CLEC16A: variants seen among roughly 807,000 people sequenced by gnomAD.
The protein encoded by CLEC16A is C-type lectin domain containing 16A.
Under a neutral mutation model 109.5 loss-of-function variants are expected in CLEC16A, and 51 were observed. The observed-to-expected ratio is 0.47, with a 90% confidence interval of 0.37 to 0.59. The LOEUF is 0.59. Among genes scored for constraint, CLEC16A ranks in the 20% least tolerant of loss-of-function variants. The pLI, the probability that CLEC16A is intolerant of heterozygous loss-of-function variation, is 0.00. For synonymous variants in CLEC16A, 673 were observed against 564.2 expected, an observed-to-expected ratio of 1.19 and a Z score of -2.73; for missense variants, 1,339 against 1,394.0, an observed-to-expected ratio of 0.96 and a Z score of 0.63.
chr16:11,167,201 G>C (rs1367722021), intron 23 of CLEC16A, among the ~76,000 whole-genome samples: 2 of 152,186 alleles, frequency 1.3e-5, no homozygotes, highest in African/African-American at 4.8e-5. Flanking sequence ...GGGAAGTACA[G>C]ACACCAGGCC....
At chr16:10,956,060 A>T (rs2041969919) in intron 1 of CLEC16A, among the ~76,000 whole-genome samples, 1 of 152,246 alleles carries the variant, frequency 6.6e-6, no homozygotes, top group Non-Finnish European at 1.5e-5. Context: ...CCAATGATTC[A>T]TCCCAGGGTG....
chr16:11,031,500 T>A (rs979581162), intron 13 of CLEC16A, among the ~76,000 whole-genome samples: 1 of 152,216 alleles, frequency 6.6e-6, no homozygotes, highest in African/African-American at 2.4e-5. Context: ...TTCTTGGGAA[T>A]TTCTTCTTGG....
chr16:10,997,269 G>C (rs8054758), intron 10 of CLEC16A, among the ~76,000 whole-genome samples: 88,460 of 152,170 alleles, frequency 0.58, 27,405 homozygotes, highest in African/African-American at 0.79. Flanking sequence ...GCCTGGGAAA[G>C]TTTTTAAATT....
At chr16:11,095,680 C>A (rs573567212) in intron 19 of CLEC16A, among the ~76,000 whole-genome samples, 233 of 152,154 alleles carry the variant, frequency 1.5e-3, no homozygotes, top group African/African-American at 5.5e-3. Context: ...GGCGTGGTGG[C>A]AGGCTCCTGT....
intron 10 of CLEC16A, among the ~76,000 whole-genome samples, chr16:10,985,358 A>G (rs923550138): frequency 1.3e-5 from 2 of 151,792 alleles, no homozygotes; most frequent in African/African-American, 4.8e-5. Flanking sequence ...AGAAAAGTCC[A>G]GATTTTTGGA....
At chr16:11,035,877 G>C (rs58830771) in intron 13 of CLEC16A, among the ~76,000 whole-genome samples, 31 of 152,296 alleles carry the variant, frequency 2.0e-4, no homozygotes, top group African/African-American at 7.0e-4. Context: ...TGGATAGTTG[G>C]AGTCAAAGAG....
intron 10 of CLEC16A, among the ~76,000 whole-genome samples, chr16:10,985,464 C>T (rs1454549718): frequency 1.3e-5 from 2 of 151,796 alleles, no homozygotes; most frequent in African/African-American, 2.4e-5. Flanking sequence ...GCGTGTTTAC[C>T]GTGAAACCTG....
intron 19 of CLEC16A, among the ~76,000 whole-genome samples, chr16:11,090,811 A>ATTTTTTTTTTT (rs71136616): frequency 1.2e-5 from 1 of 80,682 alleles, no homozygotes; most frequent in Non-Finnish European, 2.3e-5. Flanking sequence ...TACCCAGCTA[A>ATTTTTTTTTTT]TTTTTTTTTT....
At chr16:11,172,269 G>A (rs1300325885) in intron 23 of CLEC16A, among the ~76,000 whole-genome samples, 1 of 151,676 alleles carries the variant, frequency 6.6e-6, no homozygotes, top group Non-Finnish European at 1.5e-5. Context: ...TATGTACGTG[G>A]TCACACACAC....
At chr16:11,145,583 A>G (rs1212589393) in intron 22 of CLEC16A, among the ~76,000 whole-genome samples, 3 of 152,264 alleles carry the variant, frequency 2.0e-5, no homozygotes, top group Non-Finnish European at 1.5e-5. Flanking sequence ...TCTCTGTCGC[A>G]ACAAGCCTCT....
chr16:11,067,300 AG>A (rs1421772006), intron 19 of CLEC16A, among the ~76,000 whole-genome samples: 1 of 151,058 alleles, frequency 6.6e-6, no homozygotes, highest in Non-Finnish European at 1.5e-5. Context: ...CAATCACAGC[AG>A]CACAGATCAA....
intron 22 of CLEC16A, among the ~76,000 whole-genome samples, chr16:11,154,108 A>G (rs2054408203): frequency 6.6e-6 from 1 of 152,272 alleles, no homozygotes; most frequent in East Asian, 1.9e-4. Context: ...ACATGCGCAG[A>G]CAGGGCAAAG....
intron 2 of CLEC16A, among the ~76,000 whole-genome samples, chr16:10,958,718 A>G (rs1231530521): frequency 1.3e-5 from 2 of 152,190 alleles, no homozygotes; most frequent in East Asian, 3.8e-4. Flanking sequence ...AGCCTGGGCA[A>G]CATACAGAGA....
At position 11,051,524 on chromosome 16, in the gene CLEC16A, G is replaced by A. The variant is rs772417435; in HGVS notation, c.1878G>A (p.Met626Ile). 3 of 1,613,686 alleles carry A rather than the reference G, an allele frequency of 1.9e-6. No individual in the cohort carries two copies. Among genetic ancestry groups the A allele is most frequent in the African/African-American group, 1.3e-5 (1 of 74,940 alleles). ...DEYRSMTMKP[M>I]NVEYLMMDAS... ...AATGTCTCTTCTAGATGAAGCCCAT[G>A]AACGTGGAATATCTCATGATGGACG... Residue 626 changes from methionine (M) to isoleucine (I), a missense_variant, in exon 18 of 24, where the codon ATG (methionine) becomes ATA (isoleucine). By Grantham distance (10) the Met-to-Ile change is conservative. Around this residue, in one of 3 missense-constraint regions of CLEC16A, gnomAD observed 1,061 missense variants for 1,006.8 expected, o/e 1.05. Transcript: ENST00000409790.
rs1173830106 is a variant in CLEC16A, at chr16:11,181,002, A to C, written c.*2312A>C. ...AGTCCCCATGTGGGCTTGCAGGGTCACTCTCAGGGGCCTCTTTCAGCTGGG... is the reference window on the plus strand; with the variant it reads ...AGTCCCCATGTGGGCTTGCAGGGTCCCTCTCAGGGGCCTCTTTCAGCTGGG... On this transcript the variant is annotated 3_prime_UTR_variant, in exon 24 of 24. Transcript: ENST00000409790. 1 of 152,256 alleles carries C rather than the reference A, an allele frequency of 6.6e-6. No individual in the cohort carries two copies. Among genetic ancestry groups the C allele is most frequent in the Non-Finnish European group, 1.5e-5 (1 of 68,164 alleles). 9.4% of individuals were successfully genotyped at this position (152,256 alleles called of 1,614,324 possible).
intron 10 of CLEC16A, among the ~76,000 whole-genome samples, chr16:10,988,378 C>T (rs1191634214): frequency 1.3e-5 from 2 of 152,044 alleles, no homozygotes; most frequent in South Asian, 2.1e-4. Context: ...ACGACCTGAC[C>T]CCTGCCCTCC....
intron 19 of CLEC16A, among the ~76,000 whole-genome samples, chr16:11,088,408 G>A (rs1050202027): frequency 2.0e-5 from 3 of 152,268 alleles, no homozygotes; most frequent in South Asian, 2.1e-4. Flanking sequence ...TGATGCTTCC[G>A]GGCCATTATC....
At chr16:11,145,171 G>T (rs983943166) in intron 22 of CLEC16A, among the ~76,000 whole-genome samples, 2 of 152,080 alleles carry the variant, frequency 1.3e-5, no homozygotes, top group Admixed American at 1.3e-4. Context: ...TTGGTTGGAG[G>T]GCCCAGGGAA....
chr16:11,097,866 C>A (rs2050693841), intron 19 of CLEC16A, among the ~76,000 whole-genome samples: 1 of 152,236 alleles, frequency 6.6e-6, no homozygotes, highest in Non-Finnish European at 1.5e-5. Flanking sequence ...TGATCAGACT[C>A]CACCAACTTC....
Sources: allele counts gnomAD v4.1 joint callset (sites outside exome capture counted in the v4.1 genomes callset), GRCh38; gene constraint gnomAD v4.1.1; regional missense constraint gnomAD v4.1.1; transcripts MANE v1.5; gene names NCBI Gene and HGNC (gene_info 2026-07-23, HGNC 2026-07-21).